C1QTNF3: variants seen among roughly 807,000 people sequenced by gnomAD.
C1QTNF3 encodes the protein C1q and TNF related 3.
C1QTNF3 carries 26 observed loss-of-function variants against 32.6 expected under a neutral mutation model. The observed-to-expected ratio is 0.80, with a 90% CI of 0.58 to 1.11. The LOEUF (loss-of-function observed/expected upper bound fraction) is 1.11. Ranked by LOEUF, C1QTNF3 falls within the 50% of genes least tolerant of loss-of-function variation. C1QTNF3 has a pLI of 0.00. For missense variants in C1QTNF3, 362 were observed against 398.2 expected (o/e 0.91, Z 0.77); for synonymous variants, 155 against 146.0 (o/e 1.06, Z -0.44).
chr5:34,195,469 C>A, the C1QTNF3 span, among the ~76,000 whole-genome samples: 1 of 150,392 alleles, frequency 6.6e-6, no homozygotes, highest in African/African-American at 2.4e-5. Context: ...AGAAAGAAAC[C>A]TATCAGATTT....
upstream of C1QTNF3, among the ~76,000 whole-genome samples, chr5:34,047,507 C>A (rs567084145): frequency 6.6e-6 from 1 of 152,168 alleles, no homozygotes; most frequent in Non-Finnish European, 1.5e-5. Flanking sequence ...TTGGACTGAA[C>A]GTGTCTTTGT....
the C1QTNF3 span, among the ~76,000 whole-genome samples, chr5:34,236,237 T>A: frequency 6.6e-6 from 1 of 152,280 alleles, no homozygotes; most frequent in East Asian, 1.9e-4. Context: ...TGTGAACATT[T>A]GAATCTGTCA....
the C1QTNF3 span, among the ~76,000 whole-genome samples, chr5:34,199,406 GTGTT>G: frequency 9.7e-3 from 1,463 of 150,164 alleles, 19 homozygotes; most frequent in African/African-American, 0.033. Flanking sequence ...TTTGTGCCTT[GTGTT>G]TGTTTTATTA....
At chr5:34,107,105 T>C in the C1QTNF3 span, among the ~76,000 whole-genome samples, 90 of 78,382 alleles carry the variant, frequency 1.1e-3, 4 homozygotes, top group South Asian at 0.034. Context: ...AGTGTCTAGA[T>C]GGGCATTTTA....
chr5:34,118,774 A>G, the C1QTNF3 span, among the ~76,000 whole-genome samples: 55 of 152,092 alleles, frequency 3.6e-4, 1 homozygote, highest in African/African-American at 1.3e-3. Context: ...CCTTGTTTTC[A>G]TCCTATTGTA....
the C1QTNF3 span, among the ~76,000 whole-genome samples, chr5:34,053,183 C>G: frequency 6.6e-6 from 1 of 152,140 alleles, no homozygotes; most frequent in African/African-American, 2.4e-5. Flanking sequence ...AATAATGGAG[C>G]TGCTCTGTCT....
the C1QTNF3 span, among the ~76,000 whole-genome samples, chr5:34,225,453 C>T: frequency 3.9e-5 from 6 of 151,926 alleles, no homozygotes; most frequent in Admixed American, 1.3e-4. Context: ...GACAACTTTT[C>T]AAACAGTAAA....
the C1QTNF3 span, among the ~76,000 whole-genome samples, chr5:34,084,779 G>T: frequency 8.7e-6 from 1 of 115,158 alleles, no homozygotes; most frequent in Non-Finnish European, 1.7e-5. Context: ...TAGGTTGCCT[G>T]GTTTTTCTGG....
At chr5:34,225,522 G>C in the C1QTNF3 span, among the ~76,000 whole-genome samples, 1 of 151,816 alleles carries the variant, frequency 6.6e-6, no homozygotes, top group Admixed American at 6.6e-5. Context: ...TGATTTCTAG[G>C]ACATCTGTTC....
chr5:34,244,008 T>C, the C1QTNF3 span, among the ~76,000 whole-genome samples: 25 of 152,234 alleles, frequency 1.6e-4, no homozygotes, highest in Non-Finnish European at 3.1e-4. Context: ...TAGAATATAA[T>C]ATTTTTTAAG....
At chr5:34,194,976 C>T in the C1QTNF3 span, among the ~76,000 whole-genome samples, 37 of 151,652 alleles carry the variant, frequency 2.4e-4, no homozygotes, top group African/African-American at 8.3e-4. Flanking sequence ...ATTTTTTTTT[C>T]CAATATTTCC....
chr5:34,058,763 A>G, the C1QTNF3 span, among the ~76,000 whole-genome samples: 3 of 152,176 alleles, frequency 2.0e-5, no homozygotes, highest in African/African-American at 7.2e-5. Flanking sequence ...TGGCATCACA[A>G]ATGCCCTGAC....
the C1QTNF3 span, among the ~76,000 whole-genome samples, chr5:34,105,054 T>C: frequency 1.3e-5 from 2 of 152,242 alleles, no homozygotes; most frequent in South Asian, 2.1e-4. Context: ...CTGTCTCTTG[T>C]GTTTTAGATT....
At chr5:34,226,688 A>AT in the C1QTNF3 span, among the ~76,000 whole-genome samples, 3 of 151,788 alleles carry the variant, frequency 2.0e-5, no homozygotes, top group Non-Finnish European at 4.4e-5. Flanking sequence ...AAATTCACAT[A>AT]TAACTTTGGA....
At chr5:34,238,090 C>A in the C1QTNF3 span, among the ~76,000 whole-genome samples, 2 of 152,172 alleles carry the variant, frequency 1.3e-5, no homozygotes, top group Admixed American at 6.5e-5. Flanking sequence ...AAATCCTGGA[C>A]AGAGACAGCC....
chr5:34,132,456 T>C, the C1QTNF3 span, among the ~76,000 whole-genome samples: 1 of 86,470 alleles, frequency 1.2e-5, no homozygotes, highest in South Asian at 3.9e-4. Flanking sequence ...TATATATATA[T>C]ATATATATAT....
At chr5:34,218,195 A>C in the C1QTNF3 span, 5 of 152,544 alleles carry the variant, frequency 3.3e-5, no homozygotes, top group Admixed American at 3.3e-4. Context: ...ATAGTTTGAT[A>C]ATACATATAA....
rs1481065176 is a variant in C1QTNF3, at chr5:34,043,000, T to G, written c.126A>C (p.Gln42His). Reference protein sequence around the residue: ...RTNKVVARIVQSHQQTGRSGS... With the variant: ...RTNKVVARIVHSHQQTGRSGS... ...CGCTACGGCCAGTCTGCTGGTGGCT[T>G]TGCACTATTCTTGCCACCACTTTAT... The change falls in exon 1 of 6, where the codon CAA becomes CAC. Residue 42 changes from glutamine (Q) to histidine (H), a missense_variant. Physicochemically the swap from Gln to His is conservative, Grantham distance 24 (BLOSUM62 0). Transcript: ENST00000382065. 1.2e-6 allele frequency: 2 copies of G among 1,614,190 alleles called. No individual in the cohort carries two copies. Among genetic ancestry groups the G allele is most frequent in the Non-Finnish European group, 1.7e-6 (2 of 1,180,034 alleles).
the C1QTNF3 span, chr5:34,168,275 G>GTT: frequency 6.8e-6 from 1 of 148,042 alleles, no homozygotes; most frequent in African/African-American, 2.6e-5. Context: ...ATATGTGTGT[G>GTT]TGTGCATGCG....
Sources: allele counts gnomAD v4.1 joint callset (sites outside exome capture counted in the v4.1 genomes callset), GRCh38; gene constraint gnomAD v4.1.1; transcripts MANE v1.5; gene names NCBI Gene and HGNC (gene_info 2026-07-23, HGNC 2026-07-21).